The following ZNF385C variants were observed in gnomAD, a reference collection of about 807,000 sequenced individuals.
The protein encoded by ZNF385C is zinc finger protein 385C, also known as CTD-2132N18.2.
Under a neutral mutation model 35.4 loss-of-function variants are expected in ZNF385C, and 28 were observed. The ratio of observed to expected loss-of-function variants is 0.79; its 90% CI spans 0.59 to 1.08. The LOEUF is 1.08. Among genes scored for constraint, ZNF385C ranks in the 50% least tolerant of loss-of-function variants. The pLI is 0.00. For missense variants in ZNF385C, 605 were observed against 595.6 expected, an observed-to-expected ratio of 1.02 and a Z score of -0.16; for synonymous variants, 248 against 248.2, an observed-to-expected ratio of 1.00 and a Z score of 0.01.
chr17:42,041,473 G>A (rs1389248110), intron 2 of ZNF385C, among the ~76,000 whole-genome samples: 1 of 152,092 alleles, frequency 6.6e-6, no homozygotes, highest in Non-Finnish European at 1.5e-5. Context: ...TCTTATACCT[G>A]CTGTCAGCTA....
chr17:42,045,266 T>C (rs542796847), intron 2 of ZNF385C, among the ~76,000 whole-genome samples: 8 of 152,278 alleles, frequency 5.3e-5, no homozygotes, highest in African/African-American at 1.4e-4. Context: ...TTAGCCAGGA[T>C]GGTCTCGATC....
At chr17:42,057,507 C>T (rs145359725) in intron 2 of ZNF385C, among the ~76,000 whole-genome samples, 108,118 of 142,224 alleles carry the variant, frequency 0.76, 41,720 homozygotes, top group South Asian at 0.85. Context: ...TGCGCGCGCG[C>T]GCGCGCGTGT....
intron 1 of ZNF385C, among the ~76,000 whole-genome samples, chr17:42,098,178 GC>G (rs1333457066): frequency 5.3e-5 from 8 of 152,230 alleles, no homozygotes; most frequent in African/African-American, 1.7e-4. Context: ...ATCCTTTGGA[GC>G]CCGCCTGGCA....
rs2053910596 is a variant in ZNF385C, at chr17:42,095,663, G to A, written c.-3+2747C>T. Among the ~76,000 whole-genome samples, 1 of 152,144 alleles carries A rather than the reference G, an allele frequency of 6.6e-6. No individual in the cohort carries two copies. The highest frequency in any genetic ancestry group is 2.4e-5 in the African/African-American group (1 of 41,422). On this transcript the variant is annotated intron_variant, in intron 1 of 8. Transcript: ENST00000692273. This position sits in a 1 kb window ranked among gnomAD's most constrained non-coding sequence, Gnocchi z 4.4. ...AGTTTTGTGGTGGATAATGAGGTCA[G>A]GAGGCCCACAGGGGAACTGCTTGTT... is the stretch of plus-strand genomic sequence containing the variant.
At chr17:42,059,211 C>G (rs868994013) in intron 2 of ZNF385C, among the ~76,000 whole-genome samples, 1 of 152,340 alleles carries the variant, frequency 6.6e-6, no homozygotes, top group African/African-American at 2.4e-5. Context: ...GCCCCACTCC[C>G]ACAGTGCTGG....
intron 2 of ZNF385C, chr17:42,038,169 A>T: frequency 8.7e-7 from 1 of 1,149,806 alleles, no homozygotes; most frequent in Non-Finnish European, 1.2e-6. Flanking sequence ...AGGGCAGCCC[A>T]GCCAAGAGAG....
chr17:42,028,365 A>G, intron 6 of ZNF385C, 119 bp from the exon 7 acceptor site: 2 of 1,027,838 alleles, frequency 1.9e-6, no homozygotes, highest in South Asian at 1.8e-5. Context: ...CTCTGTGCAC[A>G]CATCGCCCTC....
intron 2 of ZNF385C, among the ~76,000 whole-genome samples, chr17:42,052,253 A>G (rs1336771899): frequency 1.3e-5 from 2 of 152,310 alleles, no homozygotes; most frequent in Non-Finnish European, 2.9e-5. Context: ...ATCTTATGAA[A>G]TAACATCACC....
At position 42,037,858 on chromosome 17, in the gene ZNF385C, G is replaced by C. The variant is rs1265857580; in HGVS notation, c.278C>G (p.Pro93Arg). The change falls in exon 3 of 9, where the codon CCC (proline) becomes CGC (arginine). Residue 93 changes from proline (P) to arginine (R), a missense_variant. Transcript: ENST00000692273. ...PAGPASGAPS[P>R]LLASLPLPTR... ...GGGCAGGGGCAGGGAGGCCAGCAGG[G>C]GGCTGGGGGCGCCGGAGGCCGGGCC... 1.3e-6 allele frequency: 2 copies of C among 1,521,236 alleles called. No individual in the cohort carries two copies. Among genetic ancestry groups the C allele is most frequent in the East Asian group, 4.9e-5 (2 of 40,654 alleles). 94.2% of individuals were successfully genotyped at this position (1,521,236 alleles called of 1,614,324 possible).
chr17:42,084,204 A>G (rs1287996677), intron 1 of ZNF385C, among the ~76,000 whole-genome samples: 1 of 151,660 alleles, frequency 6.6e-6, no homozygotes, highest in Non-Finnish European at 1.5e-5. Context: ...ATAGCTAGGC[A>G]TGGTGGCAGA....
At chr17:42,082,725 G>A (rs558200186) in intron 1 of ZNF385C, among the ~76,000 whole-genome samples, 14 of 152,332 alleles carry the variant, frequency 9.2e-5, no homozygotes, top group Middle Eastern at 6.8e-3. Context: ...TTGAGTCTAG[G>A]AGTTTGAGAC....
chr17:42,083,789 G>A (rs1042249018), intron 1 of ZNF385C, among the ~76,000 whole-genome samples: 5 of 119,306 alleles, frequency 4.2e-5, no homozygotes, highest in African/African-American at 1.6e-4. Flanking sequence ...TGCGATCTCA[G>A]ATCACTGCAA....
intron 2 of ZNF385C, chr17:42,038,329 C>T (rs2143617292): frequency 2.3e-6 from 1 of 432,054 alleles, no homozygotes. Flanking sequence ...AACTATCCTC[C>T]CTCCCTCCAG....
At chr17:42,063,988 G>A (rs1004400364) in intron 1 of ZNF385C, among the ~76,000 whole-genome samples, 2 of 151,900 alleles carry the variant, frequency 1.3e-5, no homozygotes, top group African/African-American at 2.4e-5. Flanking sequence ...TGGTGGTTTC[G>A]GTAGAGACCT....
intron 2 of ZNF385C, among the ~76,000 whole-genome samples, chr17:42,047,458 T>C (rs2053189046): frequency 6.6e-6 from 1 of 151,004 alleles, no homozygotes; most frequent in Non-Finnish European, 1.5e-5. Flanking sequence ...TACAGGCGCC[T>C]GGCCCAATTA....
At chr17:42,038,658 T>C (rs1369890420) in intron 2 of ZNF385C, 1 of 152,322 alleles carries the variant, frequency 6.6e-6, no homozygotes, top group African/African-American at 2.4e-5. Flanking sequence ...GACCCTGTCA[T>C]TGCAAAACCA....
Position 42,038,346 on chromosome 17 carries a change from A to G in ZNF385C, c.251-461T>C. On this transcript the variant is annotated intron_variant, in intron 2 of 8. Transcript: ENST00000692273. Reference sequence around the variant, plus strand: ...CTATCCTCCCTCCCTCCAGATCCCCAGGATTTCATGGCCAGGGCTGACAGG... The same window carrying G: ...CTATCCTCCCTCCCTCCAGATCCCCGGGATTTCATGGCCAGGGCTGACAGG... The G allele has an allele frequency of 7.6e-6, 3 of 395,268 alleles. No homozygotes were observed. In the South Asian group the frequency reaches 1.1e-4, roughly 14 times the overall value. The allele number at this position is 395,268 out of a possible 1,614,324, so 24.5% of individuals were successfully genotyped here. A position where few individuals can be genotyped will look rare whatever the true frequency, so the allele number is the denominator to read the frequency against.
At chr17:42,069,044 C>T (rs1708047291) in intron 1 of ZNF385C, among the ~76,000 whole-genome samples, 1 of 152,194 alleles carries the variant, frequency 6.6e-6, no homozygotes, top group Non-Finnish European at 1.5e-5. Context: ...ACCCATCCAT[C>T]TGTCTGTCTG....
intron 4 of ZNF385C, 85 bp from the exon 5 acceptor site, chr17:42,031,869 G>C: frequency 6.8e-7 from 1 of 1,460,460 alleles, no homozygotes; most frequent in South Asian, 1.3e-5. Context: ...AGGGGGACAG[G>C]TCAAAGGGAG....
Sources: gnomAD v4.1 joint callset for allele counts (sites outside exome capture counted in the v4.1 genomes callset) on GRCh38, gnomAD v4.1.1 for gene constraint, Gnocchi (gnomAD v3.1) non-coding constraint, MANE v1.5 for transcripts, NCBI Gene and HGNC (gene_info 2026-07-23, HGNC 2026-07-21) for gene names.